The following ATXN2 variants were observed in gnomAD, a reference collection of about 807,000 sequenced individuals.
ATXN2 encodes ataxin 2.
ATXN2 carries 37 observed loss-of-function variants against 138.6 expected under a neutral mutation model. That is an observed-to-expected ratio of 0.27 (90% confidence interval 0.21 to 0.35). The LOEUF (loss-of-function observed/expected upper bound fraction) is 0.35, where lower values mean the gene tolerates loss of function less well. Among genes scored for constraint, ATXN2 ranks in the 10% least tolerant of loss-of-function variants. The pLI is 1.00. For synonymous variants in ATXN2, 549 were observed against 543.7 expected (o/e 1.01, Z -0.13); for missense variants, 1,216 against 1,480.3 (o/e 0.82, Z 2.93).
chr12:111,581,901 A>C, intron 1 of ATXN2: 1 of 224,618 alleles, frequency 4.5e-6, no homozygotes, highest in Non-Finnish European at 8.8e-6. Flanking sequence ...TTATCCTCAC[A>C]CACTTTTCTA....
At chr12:111,589,348 A>AC (rs919745227) in intron 1 of ATXN2, among the ~76,000 whole-genome samples, 1 of 148,698 alleles carries the variant, frequency 6.7e-6, no homozygotes, top group Non-Finnish European at 1.5e-5. Flanking sequence ...AATTTAAAAA[A>AC]CCAGCCAGGC....
At chr12:111,490,723 A>G (rs1746894274) in intron 14 of ATXN2, among the ~76,000 whole-genome samples, 1 of 152,160 alleles carries the variant, frequency 6.6e-6, no homozygotes, top group African/African-American at 2.4e-5. Context: ...AAAGATAAGG[A>G]AGATAGTCTT....
intron 18 of ATXN2, among the ~76,000 whole-genome samples, chr12:111,483,194 T>TACACAC (rs59840296): frequency 0.016 from 1,524 of 95,332 alleles, 17 homozygotes; most frequent in South Asian, 0.035. Context: ...ATCAAACACA[T>TACACAC]ACACACACAC....
intron 1 of ATXN2, among the ~76,000 whole-genome samples, chr12:111,581,135 C>CAAAAAA (rs1016431358): frequency 1.7e-5 from 1 of 57,866 alleles, no homozygotes; most frequent in Admixed American, 2.0e-4. Flanking sequence ...GACTCCATCT[C>CAAAAAA]AAAAAAAAAA....
At chr12:111,494,309 T>C (rs1173943078) in intron 14 of ATXN2, among the ~76,000 whole-genome samples, 3 of 152,082 alleles carry the variant, frequency 2.0e-5, no homozygotes, top group Admixed American at 6.6e-5. Context: ...GCAGATGAAG[T>C]GTAGAGTTTT....
intron 10 of ATXN2, among the ~76,000 whole-genome samples, chr12:111,515,215 G>A (rs1482906776): frequency 6.6e-6 from 1 of 152,158 alleles, no homozygotes; most frequent in African/African-American, 2.4e-5. Flanking sequence ...CTCCAGGGAA[G>A]CAGGAGAAAC....
chr12:111,493,849 G>GAACTCCTAAC lies in ATXN2; in HGVS notation c.1936-5079_1936-5070dup, dbSNP rs1288576607. Among the ~76,000 whole-genome samples the GAACTCCTAAC allele has an allele frequency of 1.2e-4, 19 of 152,186 alleles. No homozygotes were observed. The East Asian group carries it at 3.7e-3, about 29-fold the overall frequency. ...TCACCACGTTGGTCAGGCTGGTCTC[G>GAACTCCTAAC]AACTCCTAACCTTGTGATTCGCCCC... On this transcript the variant is annotated intron_variant, in intron 14 of 24. Transcript: ENST00000673436.
intron 1 of ATXN2, among the ~76,000 whole-genome samples, chr12:111,563,313 A>ATG (rs1268240975): frequency 1.3e-5 from 2 of 152,102 alleles, no homozygotes; most frequent in Non-Finnish European, 2.9e-5. Flanking sequence ...GTGTATATAT[A>ATG]TGTGTATATA....
chr12:111,506,235 T>TGCTAA (rs959640830), intron 14 of ATXN2, among the ~76,000 whole-genome samples: 6 of 152,174 alleles, frequency 3.9e-5, no homozygotes, highest in African/African-American at 1.4e-4. Flanking sequence ...GTGGAACGAC[T>TGCTAA]GCTAAACTGG....
intron 2 of ATXN2, among the ~76,000 whole-genome samples, chr12:111,554,964 CGT>C (rs1882315275): frequency 6.6e-6 from 1 of 152,172 alleles, no homozygotes; most frequent in Non-Finnish European, 1.5e-5. Flanking sequence ...CTACCATATA[CGT>C]GTATATCTTC....
rs966479224 is a variant in ATXN2, at chr12:111,489,606, C to T, written c.1936-826G>A. 5.0e-5 allele frequency among the ~76,000 whole-genome samples: 7 copies of T among 140,856 alleles called. No homozygotes were observed. In the East Asian group the frequency reaches 1.0e-3, roughly 20 times the overall value. 92.4% of individuals were successfully genotyped at this position (140,856 alleles called of 152,430 possible). A position where few individuals can be genotyped will look rare whatever the true frequency, so the allele number is the denominator to read the frequency against. On this transcript the variant is annotated intron_variant, in intron 14 of 24. Coordinates refer to ENST00000673436, the MANE Select transcript of ATXN2 (RefSeq NM_001372574.1). ...CAGCCTGGGTGACAGAGCGAGACTC[C>T]GTCTCAAAAAAAAAAAAAAAGATAG...
At chr12:111,459,817 C>T (rs985302592) in intron 21 of ATXN2, among the ~76,000 whole-genome samples, 1 of 151,884 alleles carries the variant, frequency 6.6e-6, no homozygotes, top group African/African-American at 2.4e-5. Context: ...CTCACTGCAG[C>T]CTCCGCCTCC....
Position 111,598,686 on chromosome 12 carries a change from G to T in ATXN2, c.251+98C>A. 1.1e-6 allele frequency: 1 copy of T among 889,876 alleles called. No homozygotes were observed. The highest frequency in any genetic ancestry group is 1.4e-6 in the Non-Finnish European group (1 of 728,544). The allele number at this position is 889,876 out of a possible 1,614,324, so 55.1% of individuals were successfully genotyped here. On this transcript the variant is annotated intron_variant, in intron 1 of 24. Coordinates refer to ENST00000673436, the MANE Select transcript of ATXN2 (RefSeq NM_001372574.1). The surrounding 1 kb of genome is among the most constrained non-coding windows in gnomAD (Gnocchi z 4.5). ...GCGCTGCCGGCCCCCAGCCCACCCC[G>T]GGTAGCCCGGCGGGTCACGGGGCGG...
chr12:111,549,540 T>TA (rs113728680), intron 5 of ATXN2, among the ~76,000 whole-genome samples: 70 of 138,164 alleles, frequency 5.1e-4, no homozygotes, highest in Admixed American at 1.2e-3. Context: ...CATCTCGAAA[T>TA]AAAAAAAAAA....
chr12:111,466,186 A>T (rs1394635985), intron 20 of ATXN2, among the ~76,000 whole-genome samples: 4 of 144,954 alleles, frequency 2.8e-5, no homozygotes, highest in Non-Finnish European at 6.1e-5. Context: ...AAAAAAATAA[A>T]AAATAAATAA....
At chr12:111,525,632 G>A (rs924942225) in intron 5 of ATXN2, among the ~76,000 whole-genome samples, 2 of 151,744 alleles carry the variant, frequency 1.3e-5, no homozygotes, top group Non-Finnish European at 2.9e-5. Context: ...TGGAATCACA[G>A]ATGACTATCA....
chr12:111,595,520 T>C lies in ATXN2; in HGVS notation c.251+3264A>G, dbSNP rs138954505. 7.9e-5 allele frequency among the ~76,000 whole-genome samples: 12 copies of C among 151,648 alleles called. No homozygotes were observed. The East Asian group carries it at 2.3e-3, about 30-fold the overall frequency. On this transcript the variant is annotated intron_variant, in intron 1 of 24. Transcript: ENST00000673436. ...AGCCAAGCGTGGTGGAACATTCCTG[T>C]AGCCCCAGCTACTCAAGAGGCTGAG...
intron 18 of ATXN2, chr12:111,482,822 T>G (rs1195539678): frequency 1.3e-5 from 2 of 151,244 alleles, no homozygotes; most frequent in Non-Finnish European, 2.9e-5. Flanking sequence ...CAGGTTCATA[T>G]GTTCCAAGGC....
At chr12:111,479,280 C>T (rs905796781) in intron 18 of ATXN2, among the ~76,000 whole-genome samples, 8 of 149,570 alleles carry the variant, frequency 5.3e-5, no homozygotes, top group Admixed American at 3.4e-4. Context: ...TGGCTGGGCA[C>T]GGTGACTCAC....
Sources: gnomAD v4.1 joint callset for allele counts (sites outside exome capture counted in the v4.1 genomes callset) on GRCh38, gnomAD v4.1.1 for gene constraint, Gnocchi (gnomAD v3.1) non-coding constraint, MANE v1.5 for transcripts, NCBI Gene and HGNC (gene_info 2026-07-23, HGNC 2026-07-21) for gene names.